Variants in MATR3 observed in about 807,000 individuals in gnomAD.
MATR3 encodes matrin-3.
MATR3 carries 4 observed loss-of-function variants against 85.5 expected under a neutral mutation model. That is an observed-to-expected ratio of 0.05 (90% CI 0.02 to 0.11). The LOEUF (loss-of-function observed/expected upper bound fraction) is 0.11, where lower values mean the gene tolerates loss of function less well. MATR3 is among the 10% of genes least tolerant of loss of function. The pLI is 1.00. For synonymous variants in MATR3, 336 were observed against 343.1 expected, an observed-to-expected ratio of 0.98 and a Z score of 0.23; for missense variants, 685 against 1,016.1, an observed-to-expected ratio of 0.67 and a Z score of 4.43.
intron 2 of MATR3, chr5:139,310,152 TA>T (rs1037878772): frequency 6.6e-6 from 1 of 152,190 alleles, no homozygotes; most frequent in African/African-American, 2.4e-5. Flanking sequence ...GCTAATAACT[TA>T]AATGGATCTA....
rs1282590521 is a variant in MATR3, at chr5:139,329,482, TAGA to T, written c.*92_*94del. 14 of 1,099,146 alleles carry T rather than the reference TAGA, an allele frequency of 1.3e-5. No individual in the cohort carries two copies. Among genetic ancestry groups the T allele is most frequent in the Non-Finnish European group, 1.9e-5 (14 of 725,122 alleles). The allele number at this position is 1,099,146 out of a possible 1,614,324, so 68.1% of individuals were successfully genotyped here. A position where few individuals can be genotyped will look rare whatever the true frequency, so the allele number is the denominator to read the frequency against. Reference sequence around the variant, plus strand: ...CTTTTTTAAATACAATACTGATAGTTAGAAGAAAACTATTGTACTCTTTTGTTT... The same window carrying T: ...CTTTTTTAAATACAATACTGATAGTTAGAAAACTATTGTACTCTTTTGTTT... On this transcript the variant is annotated 3_prime_UTR_variant, in exon 15 of 15. Coordinates refer to ENST00000394805, the MANE Select transcript of MATR3 (RefSeq NM_018834.6).
Position 139,325,221 on chromosome 5 carries a change from T to G in MATR3, c.2149-219T>G, listed in dbSNP as rs1755787842. ...AAAAAAAAGGCAAAGACGCTATCCG[T>G]TTCCCTTCAAGTAAAGCAGACAGAA... On this transcript the variant is annotated intron_variant, in intron 12 of 14. Transcript: ENST00000394805. The G allele has an allele frequency of 5.3e-6, 8 of 1,520,050 alleles. No individual in the cohort carries two copies. In the East Asian group the frequency reaches 1.7e-4, roughly 33 times the overall value. The allele number at this position is 1,520,050 out of a possible 1,614,324, so 94.2% of individuals were successfully genotyped here. A position where few individuals can be genotyped will look rare whatever the true frequency, so the allele number is the denominator to read the frequency against.
rs189174220 is a variant in MATR3, at chr5:139,278,751, C to A, written c.-256-300C>A. 18 of 498,294 alleles carry A rather than the reference C, an allele frequency of 3.6e-5. No individual in the cohort carries two copies. The East Asian group carries it at 1.0e-3, about 28-fold the overall frequency. The allele number at this position is 498,294 out of a possible 1,614,324, so 30.9% of individuals were successfully genotyped here. On this transcript the variant is annotated intron_variant, in intron 2 of 16. Transcript: ENST00000509990. ...ACCTGGAGTGCCTAGGTATCTGAAA[C>A]AAATAATGAGAAAGCTGTTTCAGGA...
At chr5:139,292,586 C>G (rs1299656025), upstream of MATR3, among the ~76,000 whole-genome samples, 1 of 152,150 alleles carries the variant, frequency 6.6e-6, no homozygotes, top group African/African-American at 2.4e-5. Context: ...TGCATTCAGT[C>G]AAATTCACCA....
Position 139,316,145 on chromosome 5 carries a change from A to G in MATR3, c.1086A>G (p.Ser362=), listed in dbSNP as rs1755229971. 6.2e-7 allele frequency: 1 copy of G among 1,613,816 alleles called. No individual in the cohort carries two copies. Among genetic ancestry groups the G allele is most frequent in the Non-Finnish European group, 8.5e-7 (1 of 1,179,994 alleles). ...GAATTCTGGGACCTCCACCTCCCTC[A>G]TTTCATCTTGGGGGACCAGCAGTTG... ...APGILGPPPP[S]FHLGGPAVGP... is the part of the protein sequence containing the mutation. Residue 362 remains serine, a synonymous_variant, in exon 5 of 15, where the codon TCA becomes TCG. Transcript: ENST00000394805.
intron 8 of MATR3, 116 bp from the exon 9 acceptor site, chr5:139,319,218 A>C: frequency 7.6e-7 from 1 of 1,316,964 alleles, no homozygotes; most frequent in South Asian, 1.2e-5. Flanking sequence ...AGCCTGGGCA[A>C]CATAGCAAGA....
At position 139,308,248 on chromosome 5, in the gene MATR3, T is replaced by C. The variant is rs1754807928; in HGVS notation, c.833T>C (p.Ile278Thr). Residue 278 changes from isoleucine to threonine, a missense_variant, in exon 2 of 15, where the codon ATT becomes ACT. Ile to Thr is a moderately conservative substitution (Grantham distance 89). Coordinates refer to ENST00000394805, the MANE Select transcript of MATR3 (RefSeq NM_018834.6). Reference sequence around the variant, plus strand: ...AGAGGCGCTCCTCCAAGTAGCAATATTGAAGACTTCCATGGACTCTTACCG... The same window carrying C: ...AGAGGCGCTCCTCCAAGTAGCAATACTGAAGACTTCCATGGACTCTTACCG... ...KKRGAPPSSN[I>T]EDFHGLLPKG... The C allele has an allele frequency of 6.2e-7, 1 of 1,614,032 alleles. No individual in the cohort carries two copies. The highest frequency in any genetic ancestry group is 1.1e-5 in the South Asian group (1 of 91,076).
rs1360726783 is a variant in MATR3, at chr5:139,328,053, G to A, written c.2494-1292G>A. The stretch of plus-strand genomic sequence containing the variant: ...ATTTTTTGTATTTTTAGTAGAAACG[G>A]GGTTTCACCATGTTAGCCAGGCTGG... On this transcript the variant is annotated intron_variant, in intron 14 of 14. Coordinates refer to ENST00000394805, the MANE Select transcript of MATR3 (RefSeq NM_018834.6). Among the ~76,000 whole-genome samples the A allele has an allele frequency of 2.0e-5, 3 of 151,556 alleles. No individual in the cohort carries two copies. The East Asian group carries it at 5.8e-4, about 29-fold the overall frequency.
upstream of MATR3, among the ~76,000 whole-genome samples, chr5:139,291,578 C>T (rs1753870477): frequency 6.6e-6 from 1 of 152,164 alleles, no homozygotes; most frequent in African/African-American, 2.4e-5. Flanking sequence ...GCTTTTGTTG[C>T]CCAGGCTGGC....
At chr5:139,323,641 C>G (rs1049761476) in intron 12 of MATR3, among the ~76,000 whole-genome samples, 1 of 152,178 alleles carries the variant, frequency 6.6e-6, no homozygotes, top group Admixed American at 6.5e-5. Flanking sequence ...GGCCCAGTGG[C>G]TCACGCCTGT....
In MATR3 at chr5:139,307,158, A is replaced by G. The variant is rs141850661; in HGVS notation, c.-177-81A>G. 218 of 1,005,190 alleles carry G rather than the reference A, an allele frequency of 2.2e-4. 2 individuals are homozygous for G. In the African/African-American group the frequency reaches 3.2e-3, roughly 15 times the overall value. 62.3% of individuals were successfully genotyped at this position (1,005,190 alleles called of 1,614,324 possible). A position where few individuals can be genotyped will look rare whatever the true frequency, so the allele number is the denominator to read the frequency against. On this transcript the variant is annotated intron_variant, in intron 1 of 14. Coordinates refer to ENST00000394805, the MANE Select transcript of MATR3 (RefSeq NM_018834.6). This position sits in a 1 kb window ranked among gnomAD's most constrained non-coding sequence, Gnocchi z 4.4. ...TTAAATGTTTTTTTTTTAAATCAACATGATGCATAAGTTTTTTTTTCTTAA... is the reference window on the plus strand; with the variant it reads ...TTAAATGTTTTTTTTTTAAATCAACGTGATGCATAAGTTTTTTTTTCTTAA...
chr5:139,280,799 A>G (rs1753487537), intron 3 of MATR3: 1 of 151,816 alleles, frequency 6.6e-6, no homozygotes, highest in South Asian at 2.1e-4. Context: ...ATCCATGTGC[A>G]GAGACGTTCC....
chr5:139,294,346 T>C (rs922559123), intron 1 of MATR3, among the ~76,000 whole-genome samples: 1 of 152,052 alleles, frequency 6.6e-6, no homozygotes, highest in Non-Finnish European at 1.5e-5. Context: ...TCCCCCAAAA[T>C]GGAGGATTTC....
chr5:139,321,890 T>C lies in MATR3; in HGVS notation c.1603-8T>C. The C allele has an allele frequency of 1.2e-6, 2 of 1,610,528 alleles. No homozygotes were observed. The highest frequency in any genetic ancestry group is 4.5e-5 in the East Asian group (2 of 44,846). ...TGTGCTTTGTGGTTTCTTTTCTTTCTTTTTAAGGCTTTTATTGAGATGGAG... is the reference window on the plus strand; with the variant it reads ...TGTGCTTTGTGGTTTCTTTTCTTTCCTTTTAAGGCTTTTATTGAGATGGAG... On this transcript the variant is annotated splice_region_variant and splice_polypyrimidine_tract_variant and intron_variant, in intron 9 of 14. Transcript: ENST00000394805.
intron 9 of MATR3, among the ~76,000 whole-genome samples, chr5:139,320,964 C>A (rs900445082): frequency 1.3e-5 from 2 of 149,600 alleles, no homozygotes; most frequent in African/African-American, 4.9e-5. Flanking sequence ...TTTCACCATC[C>A]ACAGGATGGT....
intron 1 of MATR3, among the ~76,000 whole-genome samples, chr5:139,304,001 A>C (rs1468116656): frequency 6.6e-6 from 1 of 152,210 alleles, no homozygotes; most frequent in Non-Finnish European, 1.5e-5. Flanking sequence ...AGAAAAAGCC[A>C]ATAACAAAAA....
rs934691619 is a variant in MATR3, at chr5:139,315,860, A to G, written c.1016+122A>G. ...TTTCTTTACTGAAAATGAGACTTTGATAAAATTCACTTTGGTTAACAATTT... is the reference window on the plus strand; with the variant it reads ...TTTCTTTACTGAAAATGAGACTTTGGTAAAATTCACTTTGGTTAACAATTT... On this transcript the variant is annotated intron_variant, in intron 4 of 14. Transcript: ENST00000394805. 3 of 909,686 alleles carry G rather than the reference A, an allele frequency of 3.3e-6. No homozygotes were observed. In the African/African-American group the frequency reaches 5.0e-5, roughly 15 times the overall value. The allele number at this position is 909,686 out of a possible 1,614,324, so 56.4% of individuals were successfully genotyped here. A position where few individuals can be genotyped will look rare whatever the true frequency, so the allele number is the denominator to read the frequency against.
intron 1 of MATR3, among the ~76,000 whole-genome samples, chr5:139,296,064 T>A (rs1164855761): frequency 6.6e-6 from 1 of 152,130 alleles, no homozygotes; most frequent in Non-Finnish European, 1.5e-5. Flanking sequence ...AGCTCTTAGA[T>A]GTTGATTCAG....
intron 1 of MATR3, chr5:139,294,517 C>T (rs1007457692): frequency 1.0e-4 from 16 of 152,864 alleles, no homozygotes; most frequent in Non-Finnish European, 2.2e-4. Context: ...GAAACAATTC[C>T]TCCCCGCCCC....
Sources: gnomAD v4.1 joint callset for allele counts (sites outside exome capture counted in the v4.1 genomes callset) on GRCh38, gnomAD v4.1.1 for gene constraint, Gnocchi (gnomAD v3.1) non-coding constraint, MANE v1.5 for transcripts, NCBI Gene and HGNC (gene_info 2026-07-23, HGNC 2026-07-21) for gene names.